Variants in CHRM3 observed in about 807,000 individuals in gnomAD.
The protein encoded by CHRM3 is muscarinic acetylcholine receptor M3.
A neutral mutation model predicts 41.8 loss-of-function variants in CHRM3; 11 were observed. That is an observed-to-expected ratio of 0.26 (90% confidence interval 0.17 to 0.44). The LOEUF (loss-of-function observed/expected upper bound fraction) is 0.44. CHRM3 is among the 20% of genes least tolerant of loss of function. The probability of loss-of-function intolerance (pLI) is 1.00; values close to 1 mark genes in which losing one functional copy is unlikely to be tolerated. For missense variants in CHRM3, 571 were observed against 745.4 expected (o/e 0.77, Z 2.72); for synonymous variants, 297 against 301.4 (o/e 0.99, Z 0.15).
intron 3 of CHRM3, among the ~76,000 whole-genome samples, chr1:239,631,792 G>C (rs1006686322): frequency 1.3e-5 from 2 of 152,198 alleles, no homozygotes; most frequent in Non-Finnish European, 2.9e-5. Flanking sequence ...TAGTGTCTGG[G>C]AGAAGGTAGC....
intron 5 of CHRM3, among the ~76,000 whole-genome samples, chr1:239,794,333 C>T (rs1242073224): frequency 2.0e-5 from 3 of 151,270 alleles, no homozygotes; most frequent in Admixed American, 6.6e-5. Context: ...TTAACAAACA[C>T]CTTAGTTAGA....
At chr1:239,772,580 C>G (rs1281172752) in intron 5 of CHRM3, among the ~76,000 whole-genome samples, 1 of 152,198 alleles carries the variant, frequency 6.6e-6, no homozygotes, top group Non-Finnish European at 1.5e-5. Flanking sequence ...TTCTATTGTT[C>G]TACGTTGTCT....
intron 4 of CHRM3, among the ~76,000 whole-genome samples, chr1:239,673,413 C>G (rs751700563): frequency 3.9e-4 from 59 of 152,262 alleles, no homozygotes; most frequent in African/African-American, 7.0e-4. Flanking sequence ...ATCATACTCT[C>G]TAAGTGTCTC....
At position 239,907,043 on chromosome 1, in the gene CHRM3, C is replaced by T. The variant is rs989143050; in HGVS notation, c.-19-390C>T. Among the ~76,000 whole-genome samples the T allele has an allele frequency of 1.6e-4, 24 of 152,116 alleles. No individual in the cohort carries two copies. Among genetic ancestry groups the T allele is most frequent in the Non-Finnish European group, 3.2e-4 (22 of 68,030 alleles). ...CAGATAGATAAAATGCAAATCAAGT[C>T]AAGTTATCAATTTAGCATGAAGATA... On this transcript the variant is annotated intron_variant, in intron 6 of 6. Coordinates refer to ENST00000676153, the MANE Select transcript of CHRM3 (RefSeq NM_001375978.1). This position sits in a 1 kb window ranked among gnomAD's most constrained non-coding sequence, Gnocchi z 5.4.
At chr1:239,688,749 A>C (rs1335756849) in intron 5 of CHRM3, among the ~76,000 whole-genome samples, 1 of 136,460 alleles carries the variant, frequency 7.3e-6, no homozygotes, top group Non-Finnish European at 1.5e-5. Context: ...TATATAATAC[A>C]TTATTCAATA....
At chr1:239,408,763 A>G (rs1489112645) in intron 1 of CHRM3, among the ~76,000 whole-genome samples, 1 of 151,072 alleles carries the variant, frequency 6.6e-6, no homozygotes, top group Non-Finnish European at 1.5e-5. Context: ...TTGGGACTAC[A>G]GGTGCACAAC....
intron 4 of CHRM3, among the ~76,000 whole-genome samples, chr1:239,676,160 A>G (rs1657982481): frequency 6.6e-6 from 1 of 152,218 alleles, no homozygotes; most frequent in African/African-American, 2.4e-5. Flanking sequence ...CTTGCCCCAG[A>G]CGCTGCACCA....
At chr1:239,881,302 A>AAAAAG in intron 6 of CHRM3, among the ~76,000 whole-genome samples, 1 of 150,374 alleles carries the variant, frequency 6.7e-6, no homozygotes, top group Non-Finnish European at 1.5e-5. Flanking sequence ...AAAAAAAAAA[A>AAAAAG]AAAAGAATAC....
intron 3 of CHRM3, among the ~76,000 whole-genome samples, chr1:239,615,959 C>T (rs1667582932): frequency 6.6e-6 from 1 of 152,180 alleles, no homozygotes; most frequent in African/African-American, 2.4e-5. Flanking sequence ...ACTTCTTCCT[C>T]TCCAGTAAGC....
intron 6 of CHRM3, among the ~76,000 whole-genome samples, chr1:239,884,251 A>G (rs1426997704): frequency 1.3e-5 from 2 of 152,202 alleles, no homozygotes; most frequent in South Asian, 2.1e-4. Flanking sequence ...CCGAAATCCA[A>G]TAACAGGTGT....
intron 4 of CHRM3, 40 bp from the exon 5 acceptor site, chr1:239,678,146 A>G (rs1658195645): frequency 6.6e-6 from 1 of 152,108 alleles, no homozygotes; most frequent in South Asian, 2.1e-4. Flanking sequence ...TTGTTCTTTT[A>G]TCTTATTTTA....
Position 239,914,421 on chromosome 1 carries a change from A to T in CHRM3, c.*5197A>T, listed in dbSNP as rs922363100. On this transcript the variant is annotated 3_prime_UTR_variant, in exon 7 of 7. Transcript: ENST00000676153. ...CATGCTGCTACTGTAGTCAGGAGTT[A>T]TTTGGCTGGGAAGTGGAAAGTGTTC... 6 of 167,100 alleles carry T rather than the reference A, an allele frequency of 3.6e-5. No individual in the cohort carries two copies. The highest frequency in any genetic ancestry group is 1.4e-4 in the African/African-American group (6 of 41,468). The allele number at this position is 167,100 out of a possible 1,614,324, so 10.4% of individuals were successfully genotyped here. A position where few individuals can be genotyped will look rare whatever the true frequency, so the allele number is the denominator to read the frequency against.
chr1:239,609,380 T>G (rs1666736614), intron 3 of CHRM3, among the ~76,000 whole-genome samples: 1 of 152,210 alleles, frequency 6.6e-6, no homozygotes, highest in Non-Finnish European at 1.5e-5. Flanking sequence ...TATGCCACTA[T>G]TTGTTTATCC....
At chr1:239,479,351 G>T (rs1466234642) in intron 1 of CHRM3, among the ~76,000 whole-genome samples, 1 of 152,026 alleles carries the variant, frequency 6.6e-6, no homozygotes, top group Non-Finnish European at 1.5e-5. Context: ...AAGATGAGAA[G>T]AAAATCTTAA....
At chr1:239,702,664 G>A (rs1053165564) in intron 5 of CHRM3, among the ~76,000 whole-genome samples, 12 of 152,310 alleles carry the variant, frequency 7.9e-5, no homozygotes, top group East Asian at 3.9e-4. Flanking sequence ...TGGAGTGAGC[G>A]CAGTGGCGCG....
At chr1:239,520,982 G>C (rs559035727) in intron 2 of CHRM3, among the ~76,000 whole-genome samples, 1 of 152,068 alleles carries the variant, frequency 6.6e-6, no homozygotes, top group African/African-American at 2.4e-5. Flanking sequence ...AAAAAATGGA[G>C]TTTGACCCAA....
intron 1 of CHRM3, among the ~76,000 whole-genome samples, chr1:239,482,204 A>G (rs1025426546): frequency 1.3e-5 from 2 of 151,980 alleles, no homozygotes; most frequent in African/African-American, 4.8e-5. Flanking sequence ...AGACACCCAC[A>G]TGCTTTTATG....
At chr1:239,889,716 C>T (rs1678387637) in intron 6 of CHRM3, among the ~76,000 whole-genome samples, 1 of 152,184 alleles carries the variant, frequency 6.6e-6, no homozygotes, top group Non-Finnish European at 1.5e-5. Flanking sequence ...TGGGCTGCCA[C>T]ACCTGGGCTG....
rs566905146 is a variant in CHRM3, at chr1:239,548,467, G to A, written c.-313+2718G>A. On this transcript the variant is annotated intron_variant, in intron 3 of 6. Transcript: ENST00000676153. Reference sequence around the variant, plus strand: ...AAATTTAATCTGACTTATCTGACTTGCTTATAATTCAGATTAAAATGTTAT... The same window carrying A: ...AAATTTAATCTGACTTATCTGACTTACTTATAATTCAGATTAAAATGTTAT... 2.0e-5 allele frequency among the ~76,000 whole-genome samples: 3 copies of A among 152,268 alleles called. No homozygotes were observed. In the East Asian group the frequency reaches 5.8e-4, roughly 29 times the overall value.
Sources: gnomAD v4.1 joint callset for allele counts (sites outside exome capture counted in the v4.1 genomes callset) on GRCh38, gnomAD v4.1.1 for gene constraint, Gnocchi (gnomAD v3.1) non-coding constraint, MANE v1.5 for transcripts, NCBI Gene and HGNC (gene_info 2026-07-23, HGNC 2026-07-21) for gene names.